The following CABIN1 variants were observed in gnomAD, a reference collection of about 807,000 sequenced individuals.
The protein encoded by CABIN1 is calcineurin-binding protein cabin-1.
CABIN1 carries 133 observed loss-of-function variants against 227.7 expected under a neutral mutation model. The ratio of observed to expected loss-of-function variants is 0.58; its 90% CI spans 0.51 to 0.67. The LOEUF is 0.67. Among genes scored for constraint, CABIN1 ranks in the 30% least tolerant of loss-of-function variants. CABIN1 has a pLI of 0.00. For synonymous variants in CABIN1, 1,086 were observed against 1,155.1 expected, an observed-to-expected ratio of 0.94 and a Z score of 1.21; for missense variants, 2,408 against 2,852.5, an observed-to-expected ratio of 0.84 and a Z score of 3.55.
chr22:24,168,651 T>C (rs539570437), intron 33 of CABIN1, 130 bp downstream of exon 33: 32 of 811,506 alleles, frequency 3.9e-5, no homozygotes, highest in Non-Finnish European at 5.6e-5. Flanking sequence ...TGAGGGGAGA[T>C]GAGCAGGGGG....
chr22:24,012,571 G>A (rs887653028), intron 1 of CABIN1, among the ~76,000 whole-genome samples: 1 of 152,108 alleles, frequency 6.6e-6, no homozygotes, highest in Non-Finnish European at 1.5e-5. Flanking sequence ...CTGGATCAGG[G>A]TGCTGAGGTC....
In CABIN1 at chr22:24,165,610, T is replaced by G; in HGVS notation, c.4991T>G (p.Leu1664Arg). Residue 1664 changes from leucine (L) to arginine (R), a missense_variant, in exon 31 of 37, where the codon CTG becomes CGG. Coordinates refer to ENST00000263119, the MANE Select transcript of CABIN1 (RefSeq NM_012295.4). ...ILTVKVLEDT[L>R]SELAEGSERP... Reference sequence around the variant, plus strand: ...ACTGTGAAGGTGCTCGAAGACACGCTGAGCGAGCTCGCAGAGGTATGCCAC... The same window carrying G: ...ACTGTGAAGGTGCTCGAAGACACGCGGAGCGAGCTCGCAGAGGTATGCCAC... 1 of 1,612,878 alleles carries G rather than the reference T, an allele frequency of 6.2e-7. No individual in the cohort carries two copies. The highest frequency in any genetic ancestry group is 8.5e-7 in the Non-Finnish European group (1 of 1,179,884).
rs1451405220 is a variant in CABIN1 at position 24,168,419 on chromosome 22, C to T, written c.5683-28C>T. On this transcript the variant is annotated intron_variant, in intron 32 of 36. Coordinates refer to ENST00000263119, the MANE Select transcript of CABIN1 (RefSeq NM_012295.4). The stretch of plus-strand genomic sequence containing the variant: ...GAGGCTAACCACAATGGCCTGCGCC[C>T]CCTGACTTCCAGCATCTCCCTGTTA... 13 of 1,558,014 alleles carry T rather than the reference C, an allele frequency of 8.3e-6. No homozygotes were observed. In the East Asian group the frequency reaches 3.1e-4, roughly 38 times the overall value.
chr22:24,081,213 A>C (rs1601959929), intron 19 of CABIN1, among the ~76,000 whole-genome samples: 1 of 151,982 alleles, frequency 6.6e-6, no homozygotes. Flanking sequence ...ATCGTTCTTA[A>C]CTCCCGGCCT....
At chr22:24,123,892 A>G (rs2043564355) in intron 28 of CABIN1, among the ~76,000 whole-genome samples, 1 of 152,148 alleles carries the variant, frequency 6.6e-6, no homozygotes, top group African/African-American at 2.4e-5. Context: ...GGAGCATCCG[A>G]TGTCTGCCTC....
intron 24 of CABIN1, among the ~76,000 whole-genome samples, chr22:24,092,986 T>G (rs1243918094): frequency 2.6e-5 from 4 of 152,228 alleles, no homozygotes; most frequent in African/African-American, 9.6e-5. Flanking sequence ...TTTGTTTATC[T>G]GCACGGACCC....
At position 24,083,222 on chromosome 22, in the gene CABIN1, C is replaced by T; in HGVS notation, c.2749-6C>T. The stretch of plus-strand genomic sequence containing the variant: ...CACCTCAGGCCATCTCTTCTGCCCA[C>T]CACAGGTGCGAGTACTCCAGAAGGA... On this transcript the variant is annotated splice_region_variant and splice_polypyrimidine_tract_variant and intron_variant, in intron 19 of 36. Transcript: ENST00000263119. 6 of 1,612,106 alleles carry T rather than the reference C, an allele frequency of 3.7e-6. No homozygotes were observed. The highest frequency in any genetic ancestry group is 5.1e-6 in the Non-Finnish European group (6 of 1,179,948).
chr22:24,039,058 C>T (rs529920431), intron 4 of CABIN1, among the ~76,000 whole-genome samples: 73 of 152,262 alleles, frequency 4.8e-4, no homozygotes, highest in Admixed American at 1.0e-3. Flanking sequence ...AGTTAATCCT[C>T]GAGTTGACTG....
chr22:24,150,661 G>A (rs1195771201), intron 29 of CABIN1, among the ~76,000 whole-genome samples: 1 of 152,214 alleles, frequency 6.6e-6, no homozygotes, highest in Non-Finnish European at 1.5e-5. Context: ...GCTGAGGTGG[G>A]ATTGAGAAGA....
At chr22:24,121,333 G>A (rs898428468) in intron 28 of CABIN1, among the ~76,000 whole-genome samples, 3 of 152,198 alleles carry the variant, frequency 2.0e-5, no homozygotes, top group African/African-American at 7.2e-5. Flanking sequence ...CACAGTGACC[G>A]GTATGCTCAT....
In CABIN1 at chr22:24,036,691, C is replaced by A. The variant is rs181131385; in HGVS notation, c.96+510C>A. Among the ~76,000 whole-genome samples, 87 of 152,328 alleles carry A rather than the reference C, an allele frequency of 5.7e-4. 1 individual carries two copies. Among genetic ancestry groups the A allele is most frequent in the African/African-American group, 1.9e-3 (80 of 41,584 alleles). On this transcript the variant is annotated intron_variant, in intron 3 of 36. Coordinates refer to ENST00000263119, the MANE Select transcript of CABIN1 (RefSeq NM_012295.4). ...TTCAGCCTTCTTCTTTCCATCCATT[C>A]ATCTCCATACCCTTCTCCTATCCTA...
At chr22:24,128,777 T>C (rs1349947992) in intron 28 of CABIN1, among the ~76,000 whole-genome samples, 1 of 152,212 alleles carries the variant, frequency 6.6e-6, no homozygotes, top group East Asian at 1.9e-4. Flanking sequence ...CTGAGGTCCA[T>C]AGCCACCTTC....
chr22:24,162,745 T>C (rs1249959512), intron 29 of CABIN1, among the ~76,000 whole-genome samples: 1 of 152,204 alleles, frequency 6.6e-6, no homozygotes, highest in African/African-American at 2.4e-5. Flanking sequence ...ACTCACTGCC[T>C]GATTTGTTTG....
intron 19 of CABIN1, among the ~76,000 whole-genome samples, chr22:24,081,587 AT>A (rs1769604297): frequency 6.6e-6 from 1 of 151,122 alleles, no homozygotes; most frequent in Non-Finnish European, 1.5e-5. Flanking sequence ...TTATTGATCC[AT>A]TTTTTCTTTG....
chr22:24,061,249 C>G (rs938548087), intron 12 of CABIN1, among the ~76,000 whole-genome samples: 3 of 152,240 alleles, frequency 2.0e-5, no homozygotes, highest in Non-Finnish European at 2.9e-5. Flanking sequence ...CTCAAGGGAA[C>G]ACAAGGTGCT....
intron 29 of CABIN1, among the ~76,000 whole-genome samples, chr22:24,157,880 C>T (rs754992678): frequency 1.3e-5 from 2 of 152,190 alleles, no homozygotes; most frequent in Non-Finnish European, 2.9e-5. Flanking sequence ...CTAATCTCCT[C>T]TCCCAGCAGC....
intron 13 of CABIN1, 49 bp downstream of exon 13, chr22:24,062,074 G>A (rs1161126787): frequency 6.9e-7 from 1 of 1,452,690 alleles, no homozygotes; most frequent in Middle Eastern, 1.7e-4. Context: ...TGAACCCCCA[G>A]CAGCTGGGAG....
Position 24,178,413 on chromosome 22 carries a change from C to T in CABIN1, c.*217C>T. 1 of 596,954 alleles carries T rather than the reference C, an allele frequency of 1.7e-6. No individual in the cohort carries two copies. Among genetic ancestry groups the T allele is most frequent in the Non-Finnish European group, 2.9e-6 (1 of 339,892 alleles). The allele number at this position is 596,954 out of a possible 1,614,324, so 37.0% of individuals were successfully genotyped here. On this transcript the variant is annotated 3_prime_UTR_variant, in exon 37 of 37. Transcript: ENST00000263119. Reference sequence around the variant, plus strand: ...CCAGAGGAGGAGGGGCCCGCCTTAGCCATGTGAAGGTGGATTGGTCGCCAT... The same window carrying T: ...CCAGAGGAGGAGGGGCCCGCCTTAGTCATGTGAAGGTGGATTGGTCGCCAT...
chr22:24,119,490 C>A lies in CABIN1; in HGVS notation c.4424C>A (p.Pro1475His). 6.2e-7 allele frequency: 1 copy of A among 1,614,104 alleles called. No homozygotes were observed. Among genetic ancestry groups the A allele is most frequent in the Non-Finnish European group, 8.5e-7 (1 of 1,180,032 alleles). Residue 1475 changes from proline (P) to histidine (H), a missense_variant, in exon 28 of 37, where the codon CCC becomes CAC. Around this residue, in one of 3 missense-constraint regions of CABIN1, gnomAD observed 649 missense variants for 910.3 expected, o/e 0.71. Coordinates refer to ENST00000263119, the MANE Select transcript of CABIN1 (RefSeq NM_012295.4). ...CIPGKPSAST[P>H]TLWDGKKRGD... ...CCTGGCAAGCCCTCAGCATCCACACCCACCCTGTGGGATGGGAAGAAGAGA... is the reference window on the plus strand; with the variant it reads ...CCTGGCAAGCCCTCAGCATCCACACACACCCTGTGGGATGGGAAGAAGAGA...
Sources: gnomAD v4.1 joint callset for allele counts (sites outside exome capture counted in the v4.1 genomes callset) on GRCh38, gnomAD v4.1.1 for gene constraint, gnomAD v4.1.1 regional missense constraint, MANE v1.5 for transcripts, NCBI Gene and HGNC (gene_info 2026-07-23, HGNC 2026-07-21) for gene names.